EXT1: variants seen among roughly 807,000 people sequenced by gnomAD.
EXT1 encodes the protein exostosin-1.
In EXT1, 20 loss-of-function variants were observed where a neutral mutation model predicts 82.5. The ratio of observed to expected loss-of-function variants is 0.24; its 90% CI spans 0.17 to 0.35. The LOEUF (loss-of-function observed/expected upper bound fraction) is 0.35. Ranked by LOEUF, EXT1 falls within the 10% of genes least tolerant of loss-of-function variation. EXT1 has a pLI of 1.00. For missense variants in EXT1, 757 were observed against 936.5 expected (o/e 0.81, Z 2.50); for synonymous variants, 348 against 350.8 (o/e 0.99, Z 0.09).
At chr8:117,933,918 C>G (rs951973628) in intron 1 of EXT1, among the ~76,000 whole-genome samples, 1 of 152,118 alleles carries the variant, frequency 6.6e-6, no homozygotes, top group Non-Finnish European at 1.5e-5. Flanking sequence ...CCTTGCTCCA[C>G]GTGAAGATGC....
chr8:118,069,901 T>C (rs76125318), intron 1 of EXT1, among the ~76,000 whole-genome samples: 1,710 of 152,306 alleles, frequency 0.011, 26 homozygotes, highest in African/African-American at 0.039. Context: ...AGAATTTCAG[T>C]ATCCACATAT....
intron 2 of EXT1, among the ~76,000 whole-genome samples, chr8:117,836,623 G>A (rs986480339): frequency 6.6e-6 from 1 of 152,182 alleles, no homozygotes; most frequent in African/African-American, 2.4e-5. Context: ...CACCACAAAG[G>A]CTCCAGGGCT....
At chr8:118,007,848 A>C (rs1431124916) in intron 1 of EXT1, among the ~76,000 whole-genome samples, 2 of 152,214 alleles carry the variant, frequency 1.3e-5, no homozygotes, top group Admixed American at 6.5e-5. Flanking sequence ...TTGACAGAGG[A>C]CAATTTTGCC....
At chr8:118,051,219 C>A (rs548103233) in intron 1 of EXT1, among the ~76,000 whole-genome samples, 72 of 152,030 alleles carry the variant, frequency 4.7e-4, no homozygotes, top group African/African-American at 1.7e-3. Context: ...CCCCTGTAGT[C>A]CCAGCTAATC....
At position 117,986,346 on chromosome 8, in the gene EXT1, C is replaced by T. The variant is rs371467403; in HGVS notation, c.962+123739G>A. On this transcript the variant is annotated intron_variant, in intron 1 of 10. Transcript: ENST00000378204. ...CTGGGATTACAGGCATGCACCACCA[C>T]GCCTGGCTAAGTTTTTGTACTTTTA... 2.8e-3 allele frequency among the ~76,000 whole-genome samples: 430 copies of T among 152,164 alleles called. 3 individuals carry two copies. The highest frequency in any genetic ancestry group is 9.5e-3 in the African/African-American group (393 of 41,526).
At chr8:117,993,701 A>G (rs539034366) in intron 1 of EXT1, among the ~76,000 whole-genome samples, 17 of 152,364 alleles carry the variant, frequency 1.1e-4, no homozygotes, top group African/African-American at 3.1e-4. Context: ...GAGTATAGTT[A>G]AGGCTGAGAA....
intron 1 of EXT1, among the ~76,000 whole-genome samples, chr8:117,973,234 A>C (rs1308094095): frequency 6.6e-6 from 1 of 152,190 alleles, no homozygotes; most frequent in African/African-American, 2.4e-5. Flanking sequence ...ACGTGATACA[A>C]GACAAAATGA....
intron 1 of EXT1, among the ~76,000 whole-genome samples, chr8:118,073,618 G>GAGAAGAGAAGAGAA (rs1245318865): frequency 7.5e-6 from 1 of 133,034 alleles, no homozygotes; most frequent in Non-Finnish European, 1.5e-5. Context: ...AGGAAAGGAA[G>GAGAAGAGAAGAGAA]AGAAGAGAAG....
intron 1 of EXT1, among the ~76,000 whole-genome samples, chr8:118,060,594 G>A (rs962951514): frequency 2.6e-5 from 4 of 152,256 alleles, no homozygotes; most frequent in South Asian, 2.1e-4. Context: ...TTCATGTGAC[G>A]TCTGCATTTC....
chr8:118,045,273 T>G (rs1438344710), intron 1 of EXT1, among the ~76,000 whole-genome samples: 1 of 152,172 alleles, frequency 6.6e-6, no homozygotes, highest in Non-Finnish European at 1.5e-5. Context: ...TGTCTGGTAA[T>G]AAAGAAACTG....
chr8:118,017,187 T>C (rs1406595204), intron 1 of EXT1, among the ~76,000 whole-genome samples: 1 of 152,156 alleles, frequency 6.6e-6, no homozygotes, highest in Admixed American at 6.5e-5. Context: ...AGGATAAGTT[T>C]TTAAATCTCC....
chr8:117,939,195 G>A (rs1296259181), intron 1 of EXT1, among the ~76,000 whole-genome samples: 1 of 152,196 alleles, frequency 6.6e-6, no homozygotes, highest in Non-Finnish European at 1.5e-5. Flanking sequence ...CTGTGAATGT[G>A]TGTCAATTTG....
intron 1 of EXT1, among the ~76,000 whole-genome samples, chr8:117,995,847 TA>T: frequency 6.6e-6 from 1 of 152,198 alleles, no homozygotes; most frequent in Non-Finnish European, 1.5e-5. Flanking sequence ...TGAGCTTCAT[TA>T]TCATCAACTG....
intron 1 of EXT1, among the ~76,000 whole-genome samples, chr8:118,094,199 C>T (rs1189974806): frequency 6.6e-6 from 1 of 152,150 alleles, no homozygotes; most frequent in Non-Finnish European, 1.5e-5. Context: ...TAGTGGGAAA[C>T]ATAATACTTT....
chr8:117,950,955 G>C (rs1326011235), intron 1 of EXT1, among the ~76,000 whole-genome samples: 3 of 151,992 alleles, frequency 2.0e-5, no homozygotes. Flanking sequence ...TAACCAAAGA[G>C]GCAAATTATA....
intron 1 of EXT1, among the ~76,000 whole-genome samples, chr8:118,061,214 C>T (rs962506948): frequency 6.6e-6 from 1 of 152,186 alleles, no homozygotes; most frequent in African/African-American, 2.4e-5. Context: ...CTGGCACACC[C>T]ATTCAATAAA....
chr8:117,901,675 T>G (rs6999044), intron 1 of EXT1, among the ~76,000 whole-genome samples: 46,444 of 152,054 alleles, frequency 0.31, 7,414 homozygotes, highest in East Asian at 0.37. Context: ...GTATATAGCT[T>G]TACAAAAATA....
intron 1 of EXT1, among the ~76,000 whole-genome samples, chr8:117,937,347 C>T (rs980867940): frequency 2.0e-5 from 3 of 152,158 alleles, no homozygotes; most frequent in African/African-American, 7.2e-5. Context: ...TAATCGAGGA[C>T]ACAATCCATA....
chr8:118,064,174 TTTTTTC>T (rs535265398), intron 1 of EXT1, among the ~76,000 whole-genome samples: 130 of 152,182 alleles, frequency 8.5e-4, no homozygotes, highest in African/African-American at 3.0e-3. Context: ...GCTACACACT[TTTTTTC>T]TTTTTCTTTT....
Sources: allele counts gnomAD v4.1 joint callset (sites outside exome capture counted in the v4.1 genomes callset), GRCh38; gene constraint gnomAD v4.1.1; transcripts MANE v1.5; gene names NCBI Gene and HGNC (gene_info 2026-07-23, HGNC 2026-07-21).